Variants in TRIM61 observed in about 807,000 individuals in gnomAD.
TRIM61 encodes the protein tripartite motif containing 61.
Under a neutral mutation model 14.2 loss-of-function variants are expected in TRIM61, and 1 was observed. The ratio of observed to expected loss-of-function variants is 0.07; its 90% CI spans 0.03 to 0.33. The LOEUF is 0.33. Among genes scored for constraint, TRIM61 ranks in the 10% least tolerant of loss-of-function variants. The pLI is 0.99. For synonymous variants in TRIM61, 8 were observed against 71.6 expected, an observed-to-expected ratio of 0.11 and a Z score of 4.49; for missense variants, 19 against 202.2, an observed-to-expected ratio of 0.09 and a Z score of 5.49.
chr4:164,965,329 A>G (rs1238320732), intron 3 of TRIM61, among the ~76,000 whole-genome samples: 1 of 152,106 alleles, frequency 6.6e-6, no homozygotes, highest in Non-Finnish European at 1.5e-5. Flanking sequence ...AAGCTTTACA[A>G]TAGCACCTGG....
chr4:164,957,381 C>A, intron 3 of TRIM61: 1 of 1,614,078 alleles, frequency 6.2e-7, no homozygotes, highest in Non-Finnish European at 8.5e-7. Context: ...TCAGAAGGAC[C>A]ACCAGGAAAA....
In TRIM61 at chr4:164,977,525, G is replaced by C. The variant is rs1365121154; in HGVS notation, c.-476+6C>G. Reference sequence around the variant, plus strand: ...CTGGGCCTTTCCTGCGGCCTTCCCAGCTCACCTGGAGCAGACGGATCAGCA... The same window carrying C: ...CTGGGCCTTTCCTGCGGCCTTCCCACCTCACCTGGAGCAGACGGATCAGCA... On this transcript the variant is annotated splice_donor_region_variant and intron_variant, in intron 1 of 4. Transcript: ENST00000329314. The C allele has an allele frequency of 6.6e-6, 1 of 152,294 alleles. No individual in the cohort carries two copies. Among genetic ancestry groups the C allele is most frequent in the African/African-American group, 2.4e-5 (1 of 41,446 alleles). 9.4% of individuals were successfully genotyped at this position (152,294 alleles called of 1,614,324 possible).
At chr4:164,968,471 G>GA (rs1225853915) in intron 3 of TRIM61, 127 of 980,074 alleles carry the variant, frequency 1.3e-4, no homozygotes, top group Non-Finnish European at 1.4e-4. Context: ...CTGAAACTGA[G>GA]ATAAAAAAAT....
intron 2 of TRIM61, among the ~76,000 whole-genome samples, chr4:164,973,370 C>G (rs1732412963): frequency 6.6e-6 from 1 of 152,208 alleles, no homozygotes; most frequent in African/African-American, 2.4e-5. Context: ...TACACTCGCA[C>G]GGCATCCTAT....
chr4:164,974,706 C>A (rs1325066021), intron 2 of TRIM61, among the ~76,000 whole-genome samples: 1 of 151,974 alleles, frequency 6.6e-6, no homozygotes, highest in Non-Finnish European at 1.5e-5. Flanking sequence ...ATGGCAAAAT[C>A]CCATCTCTAC....
At chr4:164,960,174 A>G (rs552981423) in intron 3 of TRIM61, among the ~76,000 whole-genome samples, 22 of 152,306 alleles carry the variant, frequency 1.4e-4, no homozygotes, top group African/African-American at 4.8e-4. Context: ...GAAATTCTAT[A>G]TCACAGCCCT....
intron 3 of TRIM61, chr4:164,956,916 C>A: frequency 1.8e-6 from 2 of 1,109,754 alleles, no homozygotes; most frequent in Non-Finnish European, 2.5e-6. Context: ...AGCGGCAGAG[C>A]AGTGATTGGG....
At chr4:164,966,186 G>T (rs1331811543) in intron 3 of TRIM61, among the ~76,000 whole-genome samples, 1 of 152,174 alleles carries the variant, frequency 6.6e-6, no homozygotes, top group African/African-American at 2.4e-5. Context: ...GTTTGGGAAT[G>T]AATTAAGGAA....
chr4:164,971,623 C>T (rs1464724410), intron 2 of TRIM61, among the ~76,000 whole-genome samples: 1 of 148,702 alleles, frequency 6.7e-6, no homozygotes, highest in African/African-American at 2.5e-5. Flanking sequence ...ATAGAGAAAA[C>T]ATGAATGTAG....
intron 3 of TRIM61, among the ~76,000 whole-genome samples, chr4:164,967,762 G>A (rs1304689592): frequency 6.6e-6 from 1 of 151,972 alleles, no homozygotes; most frequent in African/African-American, 2.4e-5. Flanking sequence ...TGCTTTGGGA[G>A]GCTAAGGCAG....
At chr4:164,967,731 G>A (rs1371691362) in intron 3 of TRIM61, among the ~76,000 whole-genome samples, 2 of 152,114 alleles carry the variant, frequency 1.3e-5, no homozygotes, top group Non-Finnish European at 2.9e-5. Flanking sequence ...TGGGCATGGT[G>A]GTTCATGCCT....
chr4:164,967,385 T>C (rs1732266883), intron 3 of TRIM61, among the ~76,000 whole-genome samples: 2 of 152,226 alleles, frequency 1.3e-5, no homozygotes, highest in South Asian at 4.1e-4. Context: ...ATCTGTGATC[T>C]ATTGAAAGAT....
In TRIM61 at chr4:164,954,647, A is replaced by G. The variant is rs1052609467; in HGVS notation, c.*138T>C. 1.3e-5 allele frequency: 2 copies of G among 152,258 alleles called. No individual in the cohort carries two copies. The highest frequency in any genetic ancestry group is 2.1e-4 in the South Asian group (1 of 4,840). The allele number at this position is 152,258 out of a possible 1,614,324, so 9.4% of individuals were successfully genotyped here. Reference sequence around the variant, plus strand: ...AATGTAATTAAAATTTTATTATGGTATAGGAACATATACATACCCTACACA... The same window carrying G: ...AATGTAATTAAAATTTTATTATGGTGTAGGAACATATACATACCCTACACA... On this transcript the variant is annotated 3_prime_UTR_variant, in exon 5 of 5. Transcript: ENST00000329314.
chr4:164,968,384 G>A (rs1732286849), intron 3 of TRIM61: 7 of 980,714 alleles, frequency 7.1e-6, no homozygotes, highest in South Asian at 4.7e-5. Flanking sequence ...TTTTACTGTA[G>A]AATTTCTAAA....
intron 3 of TRIM61, chr4:164,969,308 T>C (rs1732308055): frequency 4.7e-6 from 7 of 1,474,700 alleles, no homozygotes; most frequent in South Asian, 1.4e-5. Context: ...CTTTAGTAGA[T>C]ATTTTAATGA....
intron 3 of TRIM61, among the ~76,000 whole-genome samples, chr4:164,961,356 G>T (rs1732133765): frequency 6.6e-6 from 1 of 151,450 alleles, no homozygotes; most frequent in African/African-American, 2.4e-5. Context: ...GCCTTCAATG[G>T]GCTCATTAGT....
chr4:164,966,521 G>C (rs1396047330), intron 3 of TRIM61, among the ~76,000 whole-genome samples: 2 of 152,204 alleles, frequency 1.3e-5, no homozygotes, highest in African/African-American at 2.4e-5. Flanking sequence ...CAAAGTGACT[G>C]CCTCTAAAAA....
intron 3 of TRIM61, among the ~76,000 whole-genome samples, chr4:164,967,292 C>A (rs149511151): frequency 7.9e-5 from 12 of 152,312 alleles, no homozygotes; most frequent in Non-Finnish European, 1.5e-4. Flanking sequence ...TGTCAATTTT[C>A]TCCGTATTAA....
At chr4:164,975,246 A>C (rs1334423755) in intron 2 of TRIM61, among the ~76,000 whole-genome samples, 2 of 151,940 alleles carry the variant, frequency 1.3e-5, no homozygotes, top group African/African-American at 4.8e-5. Flanking sequence ...AAAAAAAAAG[A>C]ATCTTGCCCA....
Sources: allele counts gnomAD v4.1 joint callset (sites outside exome capture counted in the v4.1 genomes callset), GRCh38; gene constraint gnomAD v4.1.1; transcripts MANE v1.5; gene names NCBI Gene and HGNC (gene_info 2026-07-23, HGNC 2026-07-21).